SEMA3A: variants seen among roughly 807,000 people sequenced by gnomAD.
SEMA3A encodes semaphorin 3A.
SEMA3A carries 29 observed loss-of-function variants against 97.9 expected under a neutral mutation model. The ratio of observed to expected loss-of-function variants is 0.30; its 90% CI spans 0.22 to 0.40. SEMA3A has a LOEUF of 0.40. Among genes scored for constraint, SEMA3A ranks in the 10% least tolerant of loss-of-function variants. The pLI is 1.00. For missense variants in SEMA3A, 763 were observed against 951.3 expected (o/e 0.80, Z 2.60); for synonymous variants, 321 against 323.7 (o/e 0.99, Z 0.09).
intron 15 of SEMA3A, among the ~76,000 whole-genome samples, chr7:83,965,127 G>A: frequency 6.7e-6 from 1 of 149,854 alleles, no homozygotes; most frequent in Admixed American, 6.6e-5. Context: ...TTTTAGTAGA[G>A]ATGGGGTTTC....
intron 2 of SEMA3A, among the ~76,000 whole-genome samples, chr7:84,329,619 C>A (rs1801864394): frequency 1.3e-5 from 2 of 151,906 alleles, no homozygotes; most frequent in African/African-American, 2.4e-5. Flanking sequence ...AAAGACTGAA[C>A]AATTAGATCA....
intron 6 of SEMA3A, among the ~76,000 whole-genome samples, chr7:84,020,314 G>A (rs1301144279): frequency 6.6e-6 from 1 of 151,530 alleles, no homozygotes; most frequent in African/African-American, 2.4e-5. Context: ...CAAAGTGCTG[G>A]ATTACAGGTG....
At chr7:84,359,764 G>A (rs1802662857) in intron 2 of SEMA3A, among the ~76,000 whole-genome samples, 1 of 152,134 alleles carries the variant, frequency 6.6e-6, no homozygotes. Flanking sequence ...AATCCATCTG[G>A]TTCTGGACAT....
chr7:84,067,703 C>G (rs932649407), intron 4 of SEMA3A, among the ~76,000 whole-genome samples: 1 of 152,020 alleles, frequency 6.6e-6, no homozygotes, highest in Non-Finnish European at 1.5e-5. Context: ...CAGAGAAATG[C>G]AAATCAAAAC....
intron 1 of SEMA3A, among the ~76,000 whole-genome samples, chr7:84,150,977 C>T (rs558145261): frequency 0.035 from 5,268 of 148,464 alleles, 160 homozygotes; most frequent in South Asian, 0.083. Context: ...CCAGCAGGGG[C>T]ACACTGACAC....
chr7:84,031,986 AT>A (rs1296745510), intron 6 of SEMA3A, among the ~76,000 whole-genome samples: 1 of 152,244 alleles, frequency 6.6e-6, no homozygotes, highest in Non-Finnish European at 1.5e-5. Context: ...AATAAAAAAA[AT>A]TGTCAAATAA....
intron 12 of SEMA3A, among the ~76,000 whole-genome samples, chr7:83,987,163 G>C (rs1039252382): frequency 2.0e-5 from 3 of 150,920 alleles, no homozygotes; most frequent in African/African-American, 7.3e-5. Flanking sequence ...TTTTTGTCCT[G>C]TGAGTTTCTT....
At position 84,024,770 on chromosome 7, in the gene SEMA3A, A is replaced by G. The variant is rs533322975; in HGVS notation, c.668-10419T>C. ...TTTTTAAAACTTTGTGAAATATTGT[A>G]TACAAATGTATGTTTAAAAGTTAAT... On this transcript the variant is annotated intron_variant, in intron 6 of 16. Transcript: ENST00000265362. Among the ~76,000 whole-genome samples, 27 of 152,306 alleles carry G rather than the reference A, an allele frequency of 1.8e-4. No individual in the cohort carries two copies. The South Asian group carries it at 5.0e-3, about 28-fold the overall frequency.
chr7:84,099,553 C>T (rs903480806), intron 4 of SEMA3A, among the ~76,000 whole-genome samples: 5 of 152,040 alleles, frequency 3.3e-5, no homozygotes, highest in African/African-American at 7.2e-5. Context: ...TGCAGCTTAA[C>T]GCAGCTGATT....
At chr7:84,415,277 C>A (rs184564372) in intron 1 of SEMA3A, among the ~76,000 whole-genome samples, 1 of 151,982 alleles carries the variant, frequency 6.6e-6, no homozygotes, top group Admixed American at 6.6e-5. Flanking sequence ...TTATAAAATA[C>A]ATCAGTCAAT....
chr7:84,306,397 C>G (rs1392579798), intron 3 of SEMA3A: 1 of 151,960 alleles, frequency 6.6e-6, no homozygotes. Context: ...TTATTCTACT[C>G]AAAGGTCCAT....
chr7:84,129,271 G>A, intron 2 of SEMA3A, 86 bp from the exon 3 acceptor site: 1 of 1,077,538 alleles, frequency 9.3e-7, no homozygotes, highest in Non-Finnish European at 1.4e-6. Flanking sequence ...TGACATTGGG[G>A]CAACTGAAGT....
At chr7:84,413,832 T>C (rs1196610549) in intron 1 of SEMA3A, among the ~76,000 whole-genome samples, 1 of 152,130 alleles carries the variant, frequency 6.6e-6, no homozygotes, top group Non-Finnish European at 1.5e-5. Context: ...TATAACGTAG[T>C]GAAAATAACT....
chr7:84,165,545 T>TCACTTGTAGC (rs1797178588), intron 1 of SEMA3A, among the ~76,000 whole-genome samples: 1 of 152,006 alleles, frequency 6.6e-6, no homozygotes, highest in Non-Finnish European at 1.5e-5. Context: ...CATAGCTGGT[T>TCACTTGTAGC]ATATATACCA....
intron 3 of SEMA3A, among the ~76,000 whole-genome samples, chr7:84,117,580 C>T (rs1471952493): frequency 6.6e-6 from 1 of 152,118 alleles, no homozygotes; most frequent in Non-Finnish European, 1.5e-5. Flanking sequence ...CTCGTAGGAG[C>T]GTGAACACTT....
In SEMA3A at chr7:83,960,340, A is replaced by G. The variant is rs1788419328; in HGVS notation, c.*1031T>C. 6.6e-6 allele frequency: 1 copy of G among 152,054 alleles called. No individual in the cohort carries two copies. The highest frequency in any genetic ancestry group is 1.5e-5 in the Non-Finnish European group (1 of 67,952). 9.4% of individuals were successfully genotyped at this position (152,054 alleles called of 1,614,324 possible). ...TCATTGATTCATTATAGTAAAATGC[A>G]CTTAAAAATCAACTTGTTTCTTCCT... On this transcript the variant is annotated 3_prime_UTR_variant, in exon 17 of 17. Transcript: ENST00000265362.
chr7:84,202,833 T>C (rs1798388658), intron 3 of SEMA3A, among the ~76,000 whole-genome samples: 1 of 152,178 alleles, frequency 6.6e-6, no homozygotes, highest in Non-Finnish European at 1.5e-5. Flanking sequence ...CTAATGCCAA[T>C]TTATCTCTTT....
At chr7:83,983,065 G>T (rs1242239982) in intron 13 of SEMA3A, among the ~76,000 whole-genome samples, 1 of 151,788 alleles carries the variant, frequency 6.6e-6, no homozygotes, top group Non-Finnish European at 1.5e-5. Context: ...TCAATTTTTT[G>T]CTATATTCAA....
intron 6 of SEMA3A, among the ~76,000 whole-genome samples, chr7:84,031,728 C>A (rs1165360720): frequency 6.6e-6 from 1 of 151,804 alleles, no homozygotes. Context: ...CTCAGCTACT[C>A]GGGAGGCTGA....
Sources: allele counts gnomAD v4.1 joint callset (sites outside exome capture counted in the v4.1 genomes callset), GRCh38; gene constraint gnomAD v4.1.1; transcripts MANE v1.5; gene names NCBI Gene and HGNC (gene_info 2026-07-23, HGNC 2026-07-21).